The following ERC1 variants were observed in gnomAD, a reference collection of about 807,000 sequenced individuals.
The protein encoded by ERC1 is ELKS/RAB6-interacting/CAST family member 1.
Under a neutral mutation model 132.0 loss-of-function variants are expected in ERC1, and 56 were observed. That is an observed-to-expected ratio of 0.42 (90% confidence interval 0.34 to 0.53). The LOEUF (loss-of-function observed/expected upper bound fraction) is 0.53, where lower values mean the gene tolerates loss of function less well. ERC1 is among the 20% of genes least tolerant of loss of function. The pLI, the probability that ERC1 is intolerant of heterozygous loss-of-function variation, is 0.03. For synonymous variants in ERC1, 478 were observed against 476.1 expected, an observed-to-expected ratio of 1.00 and a Z score of -0.05; for missense variants, 1,202 against 1,349.9, an observed-to-expected ratio of 0.89 and a Z score of 1.72.
intron 12 of ERC1, among the ~76,000 whole-genome samples, chr12:1,234,581 G>T (rs1253637895): frequency 6.6e-6 from 1 of 152,146 alleles, no homozygotes; most frequent in African/African-American, 2.4e-5. Context: ...GGTTGGTTTG[G>T]TGGAACTTGA....
At chr12:1,350,152 A>G (rs556694940) in intron 15 of ERC1, among the ~76,000 whole-genome samples, 4 of 152,286 alleles carry the variant, frequency 2.6e-5, no homozygotes, top group South Asian at 2.1e-4. Context: ...AACAATGGAG[A>G]TAAGAGGATG....
chr12:1,347,759 G>C (rs748441786), intron 15 of ERC1, among the ~76,000 whole-genome samples: 3 of 152,216 alleles, frequency 2.0e-5, no homozygotes, highest in Non-Finnish European at 4.4e-5. Context: ...GAGACGGGCA[G>C]ATCACCTGAG....
At chr12:1,012,820 T>G (rs190150765) in intron 1 of ERC1, among the ~76,000 whole-genome samples, 1 of 152,294 alleles carries the variant, frequency 6.6e-6, no homozygotes, top group East Asian at 1.9e-4. Flanking sequence ...TTCAGAATTT[T>G]TTTCAGATTT....
At chr12:1,407,149 G>T (rs535215741) in intron 16 of ERC1, among the ~76,000 whole-genome samples, 1 of 152,218 alleles carries the variant, frequency 6.6e-6, no homozygotes, top group African/African-American at 2.4e-5. Context: ...CTTCCTTTTT[G>T]ATAAAGATGG....
At chr12:1,175,104 A>G (rs1215481762) in intron 8 of ERC1, among the ~76,000 whole-genome samples, 1 of 152,176 alleles carries the variant, frequency 6.6e-6, no homozygotes, top group Non-Finnish European at 1.5e-5. Context: ...TATGCTAATG[A>G]TTTTCTGAGC....
chr12:1,196,859 A>T (rs200729487), intron 12 of ERC1, among the ~76,000 whole-genome samples: 5,372 of 31,332 alleles, frequency 0.17, 95 homozygotes, highest in Middle Eastern at 0.21. Context: ...TCTCTCTCTC[A>T]CTCTCTCTCT....
chr12:1,063,942 C>T (rs942046090), intron 2 of ERC1, among the ~76,000 whole-genome samples: 1 of 152,200 alleles, frequency 6.6e-6, no homozygotes, highest in Non-Finnish European at 1.5e-5. Flanking sequence ...ATGTAAGACT[C>T]TCTTCAGCAT....
chr12:1,328,828 G>GTGAGGCAATAACTACAA (rs1555362540), intron 15 of ERC1, among the ~76,000 whole-genome samples: 2 of 120,710 alleles, frequency 1.7e-5, no homozygotes, highest in East Asian at 3.0e-4. Flanking sequence ...TGAATTAGGA[G>GTGAGGCAATAACTACAA]CATCTAATTC....
intron 13 of ERC1, among the ~76,000 whole-genome samples, chr12:1,252,096 G>A (rs1248912168): frequency 6.6e-6 from 1 of 151,988 alleles, no homozygotes; most frequent in Admixed American, 6.5e-5. Context: ...GGGTAATTAG[G>A]GTACTCATCC....
At chr12:1,282,189 C>T (rs889742945) in intron 14 of ERC1, among the ~76,000 whole-genome samples, 1 of 152,098 alleles carries the variant, frequency 6.6e-6, no homozygotes, top group Non-Finnish European at 1.5e-5. Context: ...AACACTGATA[C>T]ATGGTAGCAA....
intron 13 of ERC1, among the ~76,000 whole-genome samples, chr12:1,242,786 T>C (rs1381387134): frequency 1.3e-5 from 2 of 152,062 alleles, no homozygotes; most frequent in Admixed American, 1.3e-4. Context: ...ATTGACAATA[T>C]TATGGAAAAA....
At chr12:1,068,869 TTATG>T (rs1390064084) in intron 2 of ERC1, among the ~76,000 whole-genome samples, 1 of 152,224 alleles carries the variant, frequency 6.6e-6, no homozygotes. Flanking sequence ...GATGGTGTCT[TTATG>T]TATACCTTCT....
At chr12:1,166,803 T>C (rs1353992004) in intron 8 of ERC1, among the ~76,000 whole-genome samples, 1 of 152,218 alleles carries the variant, frequency 6.6e-6, no homozygotes. Context: ...TCTATCAGCA[T>C]TATTATGGAG....
intron 8 of ERC1, among the ~76,000 whole-genome samples, chr12:1,161,197 G>T (rs1363886993): frequency 2.0e-5 from 3 of 152,126 alleles, no homozygotes; most frequent in Non-Finnish European, 4.4e-5. Flanking sequence ...GAGGTTAGAA[G>T]GTTATGATAC....
At chr12:1,031,146 C>T (rs548802679) in intron 2 of ERC1, among the ~76,000 whole-genome samples, 48 of 152,180 alleles carry the variant, frequency 3.2e-4, no homozygotes, top group Non-Finnish European at 5.9e-4. Flanking sequence ...GCTCCAGACA[C>T]ATTTTCAGCT....
At chr12:1,363,130 C>G (rs1048183098) in intron 15 of ERC1, among the ~76,000 whole-genome samples, 1 of 152,144 alleles carries the variant, frequency 6.6e-6, no homozygotes, top group African/African-American at 2.4e-5. Context: ...TGATCTGCCT[C>G]CGATCCTTGT....
chr12:1,229,453 A>T (rs868377583), intron 12 of ERC1, among the ~76,000 whole-genome samples: 2 of 152,320 alleles, frequency 1.3e-5, no homozygotes, highest in South Asian at 4.1e-4. Context: ...TGATGGTGTC[A>T]CTGTGCCCCA....
intron 2 of ERC1, among the ~76,000 whole-genome samples, chr12:1,069,233 A>T (rs1044542347): frequency 1.3e-5 from 2 of 152,214 alleles, no homozygotes; most frequent in Non-Finnish European, 2.9e-5. Context: ...GTGCTATATG[A>T]TTAGATATCA....
At chr12:1,229,453 A>G (rs868377583) in intron 12 of ERC1, among the ~76,000 whole-genome samples, 1 of 152,202 alleles carries the variant, frequency 6.6e-6, no homozygotes, top group Non-Finnish European at 1.5e-5. Flanking sequence ...TGATGGTGTC[A>G]CTGTGCCCCA....
Sources: gnomAD v4.1 joint callset for allele counts (sites outside exome capture counted in the v4.1 genomes callset) on GRCh38, gnomAD v4.1.1 for gene constraint, MANE v1.5 for transcripts, NCBI Gene and HGNC (gene_info 2026-07-23, HGNC 2026-07-21) for gene names.